The following HYAL2 variants were observed in gnomAD, a reference collection of about 807,000 sequenced individuals.
The protein encoded by HYAL2 is hyaluronidase 2.
A neutral mutation model predicts 35.4 loss-of-function variants in HYAL2; 30 were observed. The observed-to-expected ratio is 0.85, with a 90% CI of 0.63 to 1.15. The LOEUF (loss-of-function observed/expected upper bound fraction) is 1.15. Ranked by LOEUF, HYAL2 falls within the 50% of genes most tolerant of loss-of-function variation. The probability of loss-of-function intolerance (pLI) is 0.00; values close to 1 mark genes in which losing one functional copy is unlikely to be tolerated. For missense variants in HYAL2, 635 were observed against 646.5 expected, an observed-to-expected ratio of 0.98 and a Z score of 0.19; for synonymous variants, 262 against 252.8, an observed-to-expected ratio of 1.04 and a Z score of -0.34.
At chr3:50,321,269 G>A (rs587602923) in intron 1 of HYAL2, 1 of 152,226 alleles carries the variant, frequency 6.6e-6, no homozygotes, top group South Asian at 2.1e-4. Context: ...GTCGGGTGGG[G>A]GTGGGGTTTC....
chr3:50,318,779 T>C lies in HYAL2; in HGVS notation c.1011+177A>G. The C allele has an allele frequency of 1.5e-6, 1 of 679,070 alleles. No individual in the cohort carries two copies. Among genetic ancestry groups the C allele is most frequent in the Non-Finnish European group, 2.5e-6 (1 of 394,822 alleles). 42.1% of individuals were successfully genotyped at this position (679,070 alleles called of 1,614,324 possible). ...ACTCAACAGCTGTTCAGGACAGCAT[T>C]TCCTCTTTCCTGAGAGCAGGGCCGG... On this transcript the variant is annotated intron_variant, in intron 3 of 3. Transcript: ENST00000357750. This position sits in a 1 kb window ranked among gnomAD's most constrained non-coding sequence, Gnocchi z 4.5.
Position 50,318,056 on chromosome 3 carries a change from CT to C in HYAL2, c.*72del. 1 of 1,482,408 alleles carries C rather than the reference CT, an allele frequency of 6.7e-7. No homozygotes were observed. The highest frequency in any genetic ancestry group is 1.4e-5 in the South Asian group (1 of 73,704). 91.8% of individuals were successfully genotyped at this position (1,482,408 alleles called of 1,614,324 possible). On this transcript the variant is annotated 3_prime_UTR_variant, in exon 4 of 4. Coordinates refer to ENST00000357750, the MANE Select transcript of HYAL2 (RefSeq NM_003773.5). The surrounding 1 kb of genome is among the most constrained non-coding windows in gnomAD (Gnocchi z 4.5). ...CTCCAGACTCCAGTTTGTCCACCCC[CT>C]GCAGGGTCCTACATGCCTAAGAGAG... is the stretch of plus-strand genomic sequence containing the variant.
rs1553716888 is a variant in HYAL2 at position 50,322,611 on chromosome 3, G to C, written c.-47+42C>G. On this transcript the variant is annotated intron_variant, in intron 1 of 3. Transcript: ENST00000357750. The surrounding 1 kb of genome is among the most constrained non-coding windows in gnomAD (Gnocchi z 5.5). ...AGAGGGAGGGAGTGCAACTGCGAGC[G>C]CATCTGTGGGGGTGCAGACCAGCCG... 1.3e-5 allele frequency: 2 copies of C among 152,380 alleles called. No individual in the cohort carries two copies. Among genetic ancestry groups the C allele is most frequent in the South Asian group, 2.1e-4 (1 of 4,824 alleles). The allele number at this position is 152,380 out of a possible 1,614,324, so 9.4% of individuals were successfully genotyped here. A position where few individuals can be genotyped will look rare whatever the true frequency, so the allele number is the denominator to read the frequency against.
rs1553716372 is a variant in HYAL2 at position 50,320,143 on chromosome 3, C to A, written c.347G>T (p.Arg116Leu). ...LWAHRKMLQK[R>L]VEHYIRTQES... ...CTGTGTCCGAATGTAGTGCTCCACA[C>A]GTTTCTGCAGCATCTTCCGGTGTGC... Residue 116 changes from arginine to leucine, a missense_variant, in exon 2 of 4, where the codon CGT (arginine) becomes CTT (leucine). Physicochemically the swap from Arg to Leu is moderately radical, Grantham distance 102 (BLOSUM62 -2). Transcript: ENST00000357750. The surrounding 1 kb of genome is among the most constrained non-coding windows in gnomAD (Gnocchi z 4.8). 1.2e-6 allele frequency: 2 copies of A among 1,613,872 alleles called. No homozygotes were observed. Among genetic ancestry groups the A allele is most frequent in the Non-Finnish European group, 1.7e-6 (2 of 1,180,036 alleles).
Position 50,318,462 on chromosome 3 carries a change from T to C in HYAL2, c.1089A>G (p.Gln363=), listed in dbSNP as rs138645541. ...CATGGCACTGGGCCCGGCTGCAATA[T>C]TGGGTGGCCCAGGACACATTGACCA... ...PYVVNVSWAT[Q]YCSRAQCHGH... Residue 363 remains glutamine, a synonymous_variant, in exon 4 of 4, where the codon CAA becomes CAG. Coordinates refer to ENST00000357750, the MANE Select transcript of HYAL2 (RefSeq NM_003773.5). This position sits in a 1 kb window ranked among gnomAD's most constrained non-coding sequence, Gnocchi z 4.5. The C allele has an allele frequency of 4.1e-5, 66 of 1,613,016 alleles. No individual in the cohort carries two copies. Among genetic ancestry groups the C allele is most frequent in the Middle Eastern group, 1.6e-4 (1 of 6,082 alleles).
At position 50,322,089 on chromosome 3, in the gene HYAL2, G is replaced by A. The variant is rs1199610772; in HGVS notation, c.-47+564C>T. ...CCCGCCCCCTGCCAGACTGAGGGAA[G>A]GGGCCAAGCACCGCTTCTTAGCCGG... On this transcript the variant is annotated intron_variant, in intron 1 of 3. Transcript: ENST00000357750. The surrounding 1 kb of genome is among the most constrained non-coding windows in gnomAD (Gnocchi z 5.5). 1.3e-5 allele frequency: 2 copies of A among 152,192 alleles called. No homozygotes were observed. Among genetic ancestry groups the A allele is most frequent in the Admixed American group, 1.3e-4 (2 of 15,280 alleles). 9.4% of individuals were successfully genotyped at this position (152,192 alleles called of 1,614,324 possible). A position where few individuals can be genotyped will look rare whatever the true frequency, so the allele number is the denominator to read the frequency against.
At chr3:50,319,492 T>C in intron 2 of HYAL2, 77 bp downstream of exon 2, 3 of 1,284,350 alleles carry the variant, frequency 2.3e-6, no homozygotes, top group African/African-American at 3.0e-5. Context: ...TATAGTCCTA[T>C]AGTGGCCCCT....
chr3:50,317,909 T>C lies in HYAL2; in HGVS notation c.*220A>G. The C allele has an allele frequency of 2.0e-6, 1 of 509,404 alleles. No homozygotes were observed. The highest frequency in any genetic ancestry group is 3.5e-6 in the Non-Finnish European group (1 of 285,634). 31.6% of individuals were successfully genotyped at this position (509,404 alleles called of 1,614,324 possible). A position where few individuals can be genotyped will look rare whatever the true frequency, so the allele number is the denominator to read the frequency against. ...AGGGTCAGGTCCTCCCCAGCCCAGC[T>C]GTACCCTCCTTCCCCTCTGGCAGGG... is the stretch of plus-strand genomic sequence containing the variant. On this transcript the variant is annotated 3_prime_UTR_variant, in exon 4 of 4. Transcript: ENST00000357750.
chr3:50,321,198 G>C (rs1480627811), intron 1 of HYAL2: 1 of 152,110 alleles, frequency 6.6e-6, no homozygotes. Flanking sequence ...GGGCTAGAGC[G>C]CGCTCCGCCG....
chr3:50,320,547 G>A lies in HYAL2; in HGVS notation c.-46-12C>T. 7.0e-7 allele frequency: 1 copy of A among 1,427,930 alleles called. No homozygotes were observed. The allele number at this position is 1,427,930 out of a possible 1,614,324, so 88.5% of individuals were successfully genotyped here. A position where few individuals can be genotyped will look rare whatever the true frequency, so the allele number is the denominator to read the frequency against. On this transcript the variant is annotated splice_polypyrimidine_tract_variant and intron_variant, in intron 1 of 3. Coordinates refer to ENST00000357750, the MANE Select transcript of HYAL2 (RefSeq NM_003773.5). The surrounding 1 kb of genome is among the most constrained non-coding windows in gnomAD (Gnocchi z 4.8). ...CACCAGCTCAGGAACTGGAAGAAGG[G>A]TTGGGGAGAACAAGTCAGTCTAGGG...
chr3:50,319,459 T>TG (rs1702633619), intron 2 of HYAL2, 110 bp downstream of exon 2: 1 of 904,958 alleles, frequency 1.1e-6, no homozygotes, highest in Admixed American at 2.8e-5. Flanking sequence ...TGAGGGGATG[T>TG]GGAGCAGCCA....
In HYAL2 at chr3:50,320,102, C is replaced by T; in HGVS notation, c.388G>A (p.Ala130Thr). 6.2e-7 allele frequency: 1 copy of T among 1,613,770 alleles called. No homozygotes were observed. Among genetic ancestry groups the T allele is most frequent in the Non-Finnish European group, 8.5e-7 (1 of 1,180,042 alleles). ...YIRTQESAGL[A>T]VIDWEDWRPV... ...CGCCAGTCCTCCCAGTCGATGACCG[C>T]CAGCCCCGCAGACTCCTGTGTCCGA... is the stretch of plus-strand genomic sequence containing the variant. Residue 130 changes from alanine to threonine, a missense_variant, in exon 2 of 4, where the codon GCG becomes ACG. Physicochemically the swap from Ala to Thr is moderately conservative, Grantham distance 58. Transcript: ENST00000357750. The surrounding 1 kb of genome is among the most constrained non-coding windows in gnomAD (Gnocchi z 4.8).
In HYAL2 at chr3:50,317,892, G is replaced by C; in HGVS notation, c.*237C>G. 2.1e-6 allele frequency: 1 copy of C among 469,570 alleles called. No homozygotes were observed. The highest frequency in any genetic ancestry group is 3.8e-6 in the Non-Finnish European group (1 of 262,960). 29.1% of individuals were successfully genotyped at this position (469,570 alleles called of 1,614,324 possible). On this transcript the variant is annotated 3_prime_UTR_variant, in exon 4 of 4. Transcript: ENST00000357750. ...ATCTAGGGCAAGGGAGTAGGGTCAG[G>C]TCCTCCCCAGCCCAGCTGTACCCTC...
rs897777709 is a variant in HYAL2, at chr3:50,320,506, G to A, written c.-17C>T. On this transcript the variant is annotated 5_prime_UTR_variant, in exon 2 of 4. Coordinates refer to ENST00000357750, the MANE Select transcript of HYAL2 (RefSeq NM_003773.5). This position sits in a 1 kb window ranked among gnomAD's most constrained non-coding sequence, Gnocchi z 4.8. ...TGCCCGCATGCTGGGGGCTGCAGGAGGTGTCACCTGCCTGGCACCAGCTCA... is the reference window on the plus strand; with the variant it reads ...TGCCCGCATGCTGGGGGCTGCAGGAAGTGTCACCTGCCTGGCACCAGCTCA... 5 of 1,515,090 alleles carry A rather than the reference G, an allele frequency of 3.3e-6. No individual in the cohort carries two copies. Among genetic ancestry groups the A allele is most frequent in the Non-Finnish European group, 4.4e-6 (5 of 1,135,650 alleles). The allele number at this position is 1,515,090 out of a possible 1,614,324, so 93.9% of individuals were successfully genotyped here.
rs587751304 is a variant in HYAL2, at chr3:50,322,496, C to G, written c.-47+157G>C. ...CGAGCCCCGTGCGAAACCACCTCGG[C>G]TCTTCCTAGGTCCGCTCCCTTGTGC... On this transcript the variant is annotated intron_variant, in intron 1 of 3. Coordinates refer to ENST00000357750, the MANE Select transcript of HYAL2 (RefSeq NM_003773.5). This position sits in a 1 kb window ranked among gnomAD's most constrained non-coding sequence, Gnocchi z 5.5. 6.6e-6 allele frequency: 1 copy of G among 152,430 alleles called. No individual in the cohort carries two copies. Among genetic ancestry groups the G allele is most frequent in the East Asian group, 1.9e-4 (1 of 5,182 alleles). The allele number at this position is 152,430 out of a possible 1,614,324, so 9.4% of individuals were successfully genotyped here. A position where few individuals can be genotyped will look rare whatever the true frequency, so the allele number is the denominator to read the frequency against.
chr3:50,321,188 G>T (rs1702685144), intron 1 of HYAL2: 1 of 152,208 alleles, frequency 6.6e-6, no homozygotes, highest in Middle Eastern at 3.4e-3. Context: ...CGGCCGCTCA[G>T]GGCTAGAGCG....
intron 2 of HYAL2, 88 bp downstream of exon 2, chr3:50,319,481 G>A (rs782445607): frequency 8.2e-5 from 94 of 1,148,700 alleles, no homozygotes; most frequent in Non-Finnish European, 1.2e-4. Flanking sequence ...TAAACTACAG[G>A]TATAGTCCTA....
In HYAL2 at chr3:50,322,246, G is replaced by A. The variant is rs146123553; in HGVS notation, c.-47+407C>T. The A allele has an allele frequency of 2.5e-4, 38 of 152,398 alleles. No homozygotes were observed. The highest frequency in any genetic ancestry group is 7.9e-4 in the African/African-American group (33 of 41,568). 9.4% of individuals were successfully genotyped at this position (152,398 alleles called of 1,614,324 possible). A position where few individuals can be genotyped will look rare whatever the true frequency, so the allele number is the denominator to read the frequency against. ...GCCCCTCTCCCTGACTCGCATCAGG[G>A]CGGGACAGTCATCCCTGAGATCCCG... On this transcript the variant is annotated intron_variant, in intron 1 of 3. Transcript: ENST00000357750. The surrounding 1 kb of genome is among the most constrained non-coding windows in gnomAD (Gnocchi z 5.5).
Position 50,320,529 on chromosome 3 carries a change from T to G in HYAL2, c.-40A>C. Reference sequence around the variant, plus strand: ...GAGGTGTCACCTGCCTGGCACCAGCTCAGGAACTGGAAGAAGGGTTGGGGA... The same window carrying G: ...GAGGTGTCACCTGCCTGGCACCAGCGCAGGAACTGGAAGAAGGGTTGGGGA... On this transcript the variant is annotated 5_prime_UTR_variant, in exon 2 of 4. Transcript: ENST00000357750. This position sits in a 1 kb window ranked among gnomAD's most constrained non-coding sequence, Gnocchi z 4.8. 1.4e-6 allele frequency: 2 copies of G among 1,479,360 alleles called. No homozygotes were observed. Among genetic ancestry groups the G allele is most frequent in the Middle Eastern group, 2.4e-4 (1 of 4,236 alleles). The allele number at this position is 1,479,360 out of a possible 1,614,324, so 91.6% of individuals were successfully genotyped here. A position where few individuals can be genotyped will look rare whatever the true frequency, so the allele number is the denominator to read the frequency against.
Sources: gnomAD v4.1 joint callset for allele counts on GRCh38, gnomAD v4.1.1 for gene constraint, Gnocchi (gnomAD v3.1) non-coding constraint, MANE v1.5 for transcripts, NCBI Gene and HGNC (gene_info 2026-07-23, HGNC 2026-07-21) for gene names.